TJP2: variants seen among roughly 807,000 people sequenced by gnomAD.
The protein encoded by TJP2 is tight junction protein 2.
TJP2 carries 91 observed loss-of-function variants against 133.1 expected under a neutral mutation model. That is an observed-to-expected ratio of 0.68 (90% CI 0.58 to 0.81). The LOEUF is 0.81. Among genes scored for constraint, TJP2 ranks in the 40% least tolerant of loss-of-function variants. The probability of loss-of-function intolerance (pLI) is 0.00; values close to 1 mark genes in which losing one functional copy is unlikely to be tolerated. For synonymous variants in TJP2, 592 were observed against 583.4 expected (o/e 1.01, Z -0.21); for missense variants, 1,541 against 1,565.6 (o/e 0.98, Z 0.26).
chr9:69,186,062 C>T (rs769212943), intron 1 of TJP2, among the ~76,000 whole-genome samples: 10 of 152,148 alleles, frequency 6.6e-5, no homozygotes, highest in Middle Eastern at 3.4e-3. Flanking sequence ...GCCGCCGCGC[C>T]CGGCCAATGT....
intron 1 of TJP2, among the ~76,000 whole-genome samples, chr9:69,176,777 C>T (rs1257024224): frequency 6.6e-6 from 1 of 152,188 alleles, no homozygotes; most frequent in African/African-American, 2.4e-5. Context: ...CTGCATACTG[C>T]TGAAGGCAAG....
intron 1 of TJP2, among the ~76,000 whole-genome samples, chr9:69,130,640 G>C (rs577497787): frequency 6.6e-6 from 1 of 152,158 alleles, no homozygotes; most frequent in South Asian, 2.1e-4. Context: ...AAGGGGCCGG[G>C]CTTGAGGCTG....
chr9:69,132,332 C>G (rs1476201313), intron 1 of TJP2, among the ~76,000 whole-genome samples: 1 of 152,178 alleles, frequency 6.6e-6, no homozygotes, highest in Admixed American at 6.5e-5. Flanking sequence ...CTGAGAGCCA[C>G]CTTGTAAGTG....
chr9:69,150,846 G>C (rs1461537171), intron 1 of TJP2, among the ~76,000 whole-genome samples: 3 of 152,096 alleles, frequency 2.0e-5, no homozygotes, highest in Non-Finnish European at 4.4e-5. Flanking sequence ...TGACCAAAGA[G>C]TAGAAACAAC....
intron 1 of TJP2, among the ~76,000 whole-genome samples, chr9:69,180,440 G>A (rs1825415523): frequency 1.3e-5 from 2 of 152,168 alleles, no homozygotes; most frequent in Non-Finnish European, 2.9e-5. Context: ...TTCTGAGGGG[G>A]AAATAATGTT....
chr9:69,212,482 T>C, intron 1 of TJP2, 66 bp from the exon 2 acceptor site: 1 of 1,230,440 alleles, frequency 8.1e-7, no homozygotes, highest in Non-Finnish European at 1.2e-6. Flanking sequence ...TTTTGAATGA[T>C]AATTTTATTT....
In TJP2 at chr9:69,217,138, C is replaced by T. The variant is rs549864904; in HGVS notation, c.239+675C>T. On this transcript the variant is annotated intron_variant, in intron 3 of 22. Transcript: ENST00000377245. ...CCTGAGTAGCTGGGATTACAGGTGC[C>T]TGCCACCACTCCCAGCTAATTTTTG... 3.3e-5 allele frequency among the ~76,000 whole-genome samples: 5 copies of T among 152,120 alleles called. No individual in the cohort carries two copies. In the South Asian group the frequency reaches 1.0e-3, roughly 32 times the overall value.
chr9:69,205,987 A>G (rs546577243), intron 1 of TJP2, among the ~76,000 whole-genome samples: 8 of 152,300 alleles, frequency 5.3e-5, no homozygotes, highest in African/African-American at 1.9e-4. Context: ...TTATAAAAAG[A>G]TTAAAAAAAA....
chr9:69,121,443 AC>A (rs1822135199), upstream of TJP2: 1 of 634,142 alleles, frequency 1.6e-6, no homozygotes. Flanking sequence ...CCCTGCCCCC[AC>A]CCTGGATTTT....
intron 2 of TJP2, among the ~76,000 whole-genome samples, chr9:69,164,044 G>A (rs1455494400): frequency 1.3e-5 from 2 of 152,066 alleles, no homozygotes; most frequent in Non-Finnish European, 2.9e-5. Flanking sequence ...GAGAAATTTA[G>A]GACACTGTCT....
chr9:69,228,165 C>T, intron 9 of TJP2, 51 bp downstream of exon 9: 1 of 1,560,438 alleles, frequency 6.4e-7, no homozygotes, highest in African/African-American at 1.4e-5. Context: ...GAAGTGTGTG[C>T]TCACACAGCC....
At position 69,234,370 on chromosome 9, in the gene TJP2, TTTTC is replaced by T. The variant is rs548512481; in HGVS notation, c.1672-41_1672-38del. 12,465 of 1,116,672 alleles carry T rather than the reference TTTTC, an allele frequency of 0.011. 210 individuals carry two copies. Among genetic ancestry groups the T allele is most frequent in the African/African-American group, 0.1 (5,738 of 56,018 alleles). The allele number at this position is 1,116,672 out of a possible 1,614,324, so 69.2% of individuals were successfully genotyped here. The stretch of plus-strand genomic sequence containing the variant: ...GCATCTTACTATAAACTTCTCTGTT[TTTTC>T]TTTCTTTCTTTCTTTCTTTCTTTCT... On this transcript the variant is annotated intron_variant, in intron 11 of 22. Coordinates refer to ENST00000377245, the MANE Select transcript of TJP2 (RefSeq NM_004817.4).
At chr9:69,145,232 C>A (rs1823162462) in intron 1 of TJP2, among the ~76,000 whole-genome samples, 1 of 152,144 alleles carries the variant, frequency 6.6e-6, no homozygotes, top group Admixed American at 6.5e-5. Flanking sequence ...CTTGTCAAAG[C>A]ACAGGCTTTT....
intron 1 of TJP2, among the ~76,000 whole-genome samples, chr9:69,203,134 A>C (rs1010118925): frequency 6.6e-6 from 1 of 151,578 alleles, no homozygotes; most frequent in Non-Finnish European, 1.5e-5. Flanking sequence ...GCTGGCCTGA[A>C]CCCTCCCCGA....
intron 1 of TJP2, among the ~76,000 whole-genome samples, chr9:69,196,024 G>GC (rs1826534018): frequency 6.6e-6 from 1 of 152,178 alleles, no homozygotes; most frequent in Non-Finnish European, 1.5e-5. Flanking sequence ...GTGCAGTGGT[G>GC]CCATCATAGC....
chr9:69,135,641 CT>C (rs1245410545), intron 1 of TJP2, among the ~76,000 whole-genome samples: 1 of 150,818 alleles, frequency 6.6e-6, no homozygotes, highest in African/African-American at 2.4e-5. Flanking sequence ...GAGTTTTACT[CT>C]TTTGCCAGGC....
At chr9:69,250,270 A>AT (rs1831235308) in intron 20 of TJP2, among the ~76,000 whole-genome samples, 1 of 151,900 alleles carries the variant, frequency 6.6e-6, no homozygotes, top group Non-Finnish European at 1.5e-5. Flanking sequence ...TATTCAGCTA[A>AT]TTTTTGTATT....
chr9:69,157,228 G>A (rs1823816441), intron 2 of TJP2, among the ~76,000 whole-genome samples: 1 of 152,076 alleles, frequency 6.6e-6, no homozygotes, highest in Non-Finnish European at 1.5e-5. Flanking sequence ...ATGAAATGTG[G>A]GTGCTTACTG....
At chr9:69,245,200 T>G (rs1830839789) in intron 17 of TJP2, among the ~76,000 whole-genome samples, 2 of 152,260 alleles carry the variant, frequency 1.3e-5, no homozygotes, top group South Asian at 2.1e-4. Flanking sequence ...TGTAAATAAT[T>G]AATAACCAAG....
Sources: gnomAD v4.1 joint callset for allele counts (sites outside exome capture counted in the v4.1 genomes callset) on GRCh38, gnomAD v4.1.1 for gene constraint, MANE v1.5 for transcripts, NCBI Gene and HGNC (gene_info 2026-07-23, HGNC 2026-07-21) for gene names.